The following GRID2 variants were observed in gnomAD, a reference collection of about 807,000 sequenced individuals.
The protein encoded by GRID2 is glutamate receptor ionotropic, delta-2.
Under a neutral mutation model 114.8 loss-of-function variants are expected in GRID2, and 33 were observed. The observed-to-expected ratio is 0.29, with a 90% CI of 0.22 to 0.38. GRID2 has a LOEUF of 0.38. Ranked by LOEUF, GRID2 falls within the 10% of genes least tolerant of loss-of-function variation. The pLI is 1.00. For missense variants in GRID2, 1,184 were observed against 1,257.7 expected, an observed-to-expected ratio of 0.94 and a Z score of 0.89; for synonymous variants, 505 against 449.9, an observed-to-expected ratio of 1.12 and a Z score of -1.55.
At chr4:93,542,710 A>T (rs1234375278) in intron 13 of GRID2, among the ~76,000 whole-genome samples, 1 of 152,170 alleles carries the variant, frequency 6.6e-6, no homozygotes, top group Non-Finnish European at 1.5e-5. Context: ...CGCAATGCTC[A>T]GAAGGCAGGA....
At chr4:92,333,207 T>C (rs1479857962) in intron 1 of GRID2, among the ~76,000 whole-genome samples, 1 of 152,316 alleles carries the variant, frequency 6.6e-6, no homozygotes, top group African/African-American at 2.4e-5. Flanking sequence ...GTCAGCACCA[T>C]GTGTTGCTTG....
chr4:93,494,310 G>T (rs1014805684), intron 12 of GRID2, among the ~76,000 whole-genome samples: 2 of 151,714 alleles, frequency 1.3e-5, no homozygotes, highest in African/African-American at 4.8e-5. Context: ...CCAAAATTCA[G>T]CGTTGCTTCT....
chr4:92,583,933 A>ATT (rs1728302537), intron 1 of GRID2, among the ~76,000 whole-genome samples: 1 of 150,348 alleles, frequency 6.7e-6, no homozygotes, highest in South Asian at 2.1e-4. Context: ...GTATATATAT[A>ATT]TATGTACAAA....
chr4:93,778,013 T>C (rs1417937743), downstream of GRID2, among the ~76,000 whole-genome samples: 1 of 152,148 alleles, frequency 6.6e-6, no homozygotes, highest in Admixed American at 6.5e-5. Context: ...CATAACTTCC[T>C]GAATTTGAAA....
At chr4:92,974,644 T>G (rs539724675) in intron 2 of GRID2, among the ~76,000 whole-genome samples, 2 of 150,692 alleles carry the variant, frequency 1.3e-5, no homozygotes, top group East Asian at 2.0e-4. Context: ...TGAGAACACA[T>G]GGACACAGGA....
At chr4:93,439,829 C>G (rs990129532) in intron 10 of GRID2, among the ~76,000 whole-genome samples, 2 of 151,988 alleles carry the variant, frequency 1.3e-5, no homozygotes, top group Non-Finnish European at 2.9e-5. Flanking sequence ...GAGGGGCATG[C>G]CAGGGGCAGT....
At chr4:93,453,082 C>T (rs557545515) in intron 10 of GRID2, among the ~76,000 whole-genome samples, 7 of 145,346 alleles carry the variant, frequency 4.8e-5, no homozygotes, top group Non-Finnish European at 1.1e-4. Flanking sequence ...TGTTCGCCTT[C>T]CTGTGTCCAT....
chr4:92,451,456 A>G (rs1720921100), intron 1 of GRID2, among the ~76,000 whole-genome samples: 1 of 152,198 alleles, frequency 6.6e-6, no homozygotes, highest in Admixed American at 6.5e-5. Flanking sequence ...ACATTTTTTT[A>G]TAGTATATAA....
intron 14 of GRID2, among the ~76,000 whole-genome samples, chr4:93,703,287 T>A (rs1449534193): frequency 6.6e-6 from 1 of 152,074 alleles, no homozygotes; most frequent in African/African-American, 2.4e-5. Context: ...AGTAGGTGAG[T>A]ATATTTATAA....
intron 2 of GRID2, among the ~76,000 whole-genome samples, chr4:92,623,739 C>T (rs148692794): frequency 1.8e-3 from 269 of 151,894 alleles, no homozygotes; most frequent in Non-Finnish European, 2.5e-3. Context: ...CACCCACAGT[C>T]ATGTTCCTTC....
intron 2 of GRID2, among the ~76,000 whole-genome samples, chr4:92,821,405 T>C (rs974223927): frequency 4.6e-5 from 7 of 152,194 alleles, no homozygotes; most frequent in Admixed American, 1.3e-4. Context: ...GAAATGTTTC[T>C]ATTGATAATC....
rs1344917189 is a variant in GRID2 at position 92,371,222 on chromosome 4, A to G, written c.88+66478A>G. 2.0e-5 allele frequency among the ~76,000 whole-genome samples: 3 copies of G among 152,226 alleles called. No individual in the cohort carries two copies. In the East Asian group the frequency reaches 5.8e-4, roughly 29 times the overall value. On this transcript the variant is annotated intron_variant, in intron 1 of 15. Transcript: ENST00000282020. ...CAAGAACTGATGTAGAAGCTGCAGC[A>G]GGTTATCCAGAAGACATAGCTAAAA...
chr4:93,798,902 A>G (rs187012472), intron 1 of GRID2, among the ~76,000 whole-genome samples: 1 of 152,286 alleles, frequency 6.6e-6, no homozygotes, highest in Non-Finnish European at 1.5e-5. Flanking sequence ...ACAAAGATAC[A>G]TAACACCAGT....
chr4:93,366,231 A>G (rs984845560), intron 8 of GRID2, among the ~76,000 whole-genome samples: 2 of 152,156 alleles, frequency 1.3e-5, no homozygotes, highest in Non-Finnish European at 1.5e-5. Context: ...CTTCTTTGAA[A>G]AGCAAATGGG....
intron 11 of GRID2, among the ~76,000 whole-genome samples, chr4:93,477,293 C>G (rs1267556452): frequency 6.6e-6 from 1 of 152,042 alleles, no homozygotes; most frequent in Non-Finnish European, 1.5e-5. Flanking sequence ...CCTAATCGCC[C>G]CTTAAAGATT....
chr4:92,388,762 A>C (rs1270212439), intron 1 of GRID2, among the ~76,000 whole-genome samples: 1 of 152,020 alleles, frequency 6.6e-6, no homozygotes, highest in South Asian at 2.1e-4. Context: ...TATATATATG[A>C]AATAGACTTG....
Position 93,153,270 on chromosome 4 carries a change from C to G in GRID2, c.735+42317C>G, listed in dbSNP as rs548203219. Reference sequence around the variant, plus strand: ...TTATGTACATTTTTGAAACTATCTTCAGAAATACTTCCATGAGCTGGTAAA... The same window carrying G: ...TTATGTACATTTTTGAAACTATCTTGAGAAATACTTCCATGAGCTGGTAAA... On this transcript the variant is annotated intron_variant, in intron 4 of 15. Coordinates refer to ENST00000282020, the MANE Select transcript of GRID2 (RefSeq NM_001510.4). Among the ~76,000 whole-genome samples the G allele has an allele frequency of 2.6e-5, 4 of 152,006 alleles. No homozygotes were observed. The East Asian group carries it at 7.7e-4, about 29-fold the overall frequency.
chr4:92,342,430 G>A (rs1440563036), intron 1 of GRID2, among the ~76,000 whole-genome samples: 1 of 152,070 alleles, frequency 6.6e-6, no homozygotes, highest in Admixed American at 6.6e-5. Flanking sequence ...TTGAAGGAAA[G>A]GAGACTTGAG....
intron 9 of GRID2, among the ~76,000 whole-genome samples, chr4:93,408,532 T>C (rs898909942): frequency 6.6e-6 from 1 of 152,200 alleles, no homozygotes; most frequent in African/African-American, 2.4e-5. Context: ...TATTTTCCAG[T>C]AAATTATAGG....
Sources: gnomAD v4.1 joint callset for allele counts (sites outside exome capture counted in the v4.1 genomes callset) on GRCh38, gnomAD v4.1.1 for gene constraint, MANE v1.5 for transcripts, NCBI Gene and HGNC (gene_info 2026-07-23, HGNC 2026-07-21) for gene names.